ZNF513: variants seen among roughly 807,000 people sequenced by gnomAD.
ZNF513 encodes zinc finger protein 513.
ZNF513 carries 16 observed loss-of-function variants against 39.7 expected under a neutral mutation model. The ratio of observed to expected loss-of-function variants is 0.40; its 90% CI spans 0.27 to 0.61. The LOEUF is 0.61. Among genes scored for constraint, ZNF513 ranks in the 20% least tolerant of loss-of-function variants. ZNF513 has a pLI of 0.39. For synonymous variants in ZNF513, 348 were observed against 296.5 expected (o/e 1.17, Z -1.79); for missense variants, 699 against 743.6 (o/e 0.94, Z 0.70).
At chr2:27,379,341 T>G (rs1407173630) in intron 2 of ZNF513, among the ~76,000 whole-genome samples, 1 of 152,108 alleles carries the variant, frequency 6.6e-6, no homozygotes, top group East Asian at 1.9e-4. Flanking sequence ...CAGACTGAAA[T>G]GAATCCATAA....
In ZNF513 at chr2:27,380,619, G is replaced by GC; in HGVS notation, c.-94dup. The GC allele has an allele frequency of 2.0e-6, 3 of 1,497,390 alleles. No individual in the cohort carries two copies. The highest frequency in any genetic ancestry group is 2.7e-6 in the Non-Finnish European group (3 of 1,122,320). The allele number at this position is 1,497,390 out of a possible 1,614,324, so 92.8% of individuals were successfully genotyped here. A position where few individuals can be genotyped will look rare whatever the true frequency, so the allele number is the denominator to read the frequency against. ...CCGCCTGTCTGCCCTTCCTCTCAGGGCCCGCGGGCCGCCCCCATGCAGCGG... is the reference window on the plus strand; with the variant it reads ...CCGCCTGTCTGCCCTTCCTCTCAGGGCCCCGCGGGCCGCCCCCATGCAGCGG... On this transcript the variant is annotated 5_prime_UTR_variant, in exon 1 of 4. It removes the in-frame stop codon of an upstream open reading frame in the 5' UTR. Transcript: ENST00000323703.
rs1204176806 is a variant in ZNF513, at chr2:27,378,883, C to A, written c.383G>T (p.Gly128Val). ...PACQLCGGPTGEGPCCGAGGP... is the reference protein window; with the variant it reads ...PACQLCGGPTVEGPCCGAGGP... ...TCCTGCCCCACAACACGGCCCCTCA[C>A]CTGTCGGCCCCCCACACAGCTGGCA... The change falls in exon 3 of 4, where the codon GGT becomes GTT. Residue 128 changes from glycine (G) to valine (V), a missense_variant. By Grantham distance (109) the Gly-to-Val change is moderately radical. This residue lies in a region of ZNF513 where 530 missense variants were observed against 499.3 expected (regional missense o/e 1.06). Transcript: ENST00000323703. This position sits in a 1 kb window ranked among gnomAD's most constrained non-coding sequence, Gnocchi z 8.0. 2 of 1,603,046 alleles carry A rather than the reference C, an allele frequency of 1.2e-6. No homozygotes were observed. The highest frequency in any genetic ancestry group is 2.2e-5 in the South Asian group (2 of 90,128).
rs760150083 is a variant in ZNF513, at chr2:27,377,510, C to T, written c.*35G>A. ...GGGGGAGAAAAAGGTGGCTTCTGGT[C>T]CGTCTGTATAAAACATGGGGAAGAA... On this transcript the variant is annotated 3_prime_UTR_variant, in exon 4 of 4. Coordinates refer to ENST00000323703, the MANE Select transcript of ZNF513 (RefSeq NM_144631.6). This position sits in a 1 kb window ranked among gnomAD's most constrained non-coding sequence, Gnocchi z 4.4. The T allele has an allele frequency of 1.2e-6, 2 of 1,610,598 alleles. No individual in the cohort carries two copies. Among genetic ancestry groups the T allele is most frequent in the East Asian group, 4.5e-5 (2 of 44,862 alleles).
In ZNF513 at chr2:27,378,471, A is replaced by G. The variant is rs746588960; in HGVS notation, c.795T>C (p.Pro265=). 1.2e-6 allele frequency: 2 copies of G among 1,614,084 alleles called. No homozygotes were observed. The highest frequency in any genetic ancestry group is 2.2e-5 in the South Asian group (2 of 91,088). The change falls in exon 3 of 4, where the codon CCT becomes CCC. Residue 265 remains proline, a synonymous_variant. Coordinates refer to ENST00000323703, the MANE Select transcript of ZNF513 (RefSeq NM_144631.6). The surrounding 1 kb of genome is among the most constrained non-coding windows in gnomAD (Gnocchi z 8.0). ...TEQEGAVPRR[P]EDALLLPDLS... ...TTGGTCCCTGGTGTGTCTTACCTTC[A>G]GGTCGCCGGGGCACCGCCCCCTCCT...
Position 27,378,683 on chromosome 2 carries a change from G to A in ZNF513, c.583C>T (p.Arg195Ter). Reference protein sequence around the residue: ...YASAQLVNLTRHTRTHTGEKP... With the variant: ...YASAQLVNLT ...TCGCCAGTGTGGGTGCGGGTATGTCGTGTCAGGTTGACGAGCTGGGCTGAG... is the reference window on the plus strand; with the variant it reads ...TCGCCAGTGTGGGTGCGGGTATGTCATGTCAGGTTGACGAGCTGGGCTGAG... The change falls in exon 3 of 4, where the codon CGA becomes TGA. Residue 195 changes from arginine to a stop codon, truncating the protein, a stop_gained. Coordinates refer to ENST00000323703, the MANE Select transcript of ZNF513 (RefSeq NM_144631.6). LOFTEE classifies it high-confidence loss of function. This position sits in a 1 kb window ranked among gnomAD's most constrained non-coding sequence, Gnocchi z 8.0. 5 of 1,613,850 alleles carry A rather than the reference G, an allele frequency of 3.1e-6. No homozygotes were observed. Among genetic ancestry groups the A allele is most frequent in the Non-Finnish European group, 4.2e-6 (5 of 1,179,966 alleles).
At position 27,378,530 on chromosome 2, in the gene ZNF513, G is replaced by C. The variant is rs772637253; in HGVS notation, c.736C>G (p.Pro246Ala). The C allele has an allele frequency of 3.0e-5, 49 of 1,614,116 alleles. No homozygotes were observed. The South Asian group carries it at 5.3e-4, about 17-fold the overall frequency. The change falls in exon 3 of 4, where the codon CCA (proline) becomes GCA (alanine). Residue 246 changes from proline (P) to alanine (A), a missense_variant. Pro to Ala is a conservative substitution (Grantham distance 27, BLOSUM62 -1). Transcript: ENST00000323703. This position sits in a 1 kb window ranked among gnomAD's most constrained non-coding sequence, Gnocchi z 8.0. ...GGACTGGGAGGCCGGGCTGGTCGTG[G>C]AGTACAGCAGCGGAAGCCACAGGTC... ...CPTCGFRCCTPRPARPPSPTE... is the reference protein window; with the variant it reads ...CPTCGFRCCTARPARPPSPTE...
Position 27,378,819 on chromosome 2 carries a change from C to T in ZNF513, c.447G>A (p.Leu149=), listed in dbSNP as rs1267272267. ...GGGPLLPPRL[L]YSCRLCTFVS... is the part of the protein sequence containing the mutation. ...CGAAGGTGCAGAGGCGGCATGAGTA[C>T]AGTAGCCGTGGGGGCAGCAGGGGCC... is the stretch of plus-strand genomic sequence containing the variant. The change falls in exon 3 of 4, where the codon CTG becomes CTA. Residue 149 remains leucine (L), a synonymous_variant. Coordinates refer to ENST00000323703, the MANE Select transcript of ZNF513 (RefSeq NM_144631.6). The surrounding 1 kb of genome is among the most constrained non-coding windows in gnomAD (Gnocchi z 8.0). 1.2e-6 allele frequency: 2 copies of T among 1,612,644 alleles called. No individual in the cohort carries two copies. Among genetic ancestry groups the T allele is most frequent in the Non-Finnish European group, 1.7e-6 (2 of 1,179,446 alleles).
chr2:27,378,248 G>A lies in ZNF513; in HGVS notation c.923C>T (p.Pro308Leu). ...GCAGGTCCAAGGGAATAGCAGCTCT[G>A]GCAGTGGTTCTGATCCAGTCCCGCA... ...GLCGTGSEPL[P>L]ELLFPWTCRG... is the part of the protein sequence containing the mutation. The change falls in exon 4 of 4, where the codon CCA (proline) becomes CTA (leucine). Residue 308 changes from proline to leucine, a missense_variant. Pro to Leu is a moderately conservative substitution (Grantham distance 98). This residue lies in a region of ZNF513 where 530 missense variants were observed against 499.3 expected (regional missense o/e 1.06). Transcript: ENST00000323703. The surrounding 1 kb of genome is among the most constrained non-coding windows in gnomAD (Gnocchi z 8.0). 1 of 1,602,630 alleles carries A rather than the reference G, an allele frequency of 6.2e-7. No homozygotes were observed. The highest frequency in any genetic ancestry group is 8.5e-7 in the Non-Finnish European group (1 of 1,179,950).
At position 27,378,081 on chromosome 2, in the gene ZNF513, G is replaced by C; in HGVS notation, c.1090C>G (p.Leu364Val). Residue 364 changes from leucine (L) to valine (V), a missense_variant, in exon 4 of 4, where the codon CTC becomes GTC. Leu to Val is a conservative substitution (Grantham distance 32). This residue lies in a region of ZNF513 where 530 missense variants were observed against 499.3 expected (regional missense o/e 1.06). Transcript: ENST00000323703. The surrounding 1 kb of genome is among the most constrained non-coding windows in gnomAD (Gnocchi z 8.0). ...GGATAGTGAGTGGCAAAGGGGCAGA[G>C]GCTACAGGCAAAGCCTTTGTCACTG... ...GPSDKGFACSLCPFATHYPNH... is the reference protein window; with the variant it reads ...GPSDKGFACSVCPFATHYPNH... 1 of 1,612,650 alleles carries C rather than the reference G, an allele frequency of 6.2e-7. No individual in the cohort carries two copies. The highest frequency in any genetic ancestry group is 8.5e-7 in the Non-Finnish European group (1 of 1,179,092).
At position 27,378,900 on chromosome 2, in the gene ZNF513, C is replaced by G. The variant is rs1467012394; in HGVS notation, c.366G>C (p.Leu122=). The change falls in exon 3 of 4, where the codon CTG becomes CTC. Residue 122 remains leucine, a synonymous_variant. Transcript: ENST00000323703. The surrounding 1 kb of genome is among the most constrained non-coding windows in gnomAD (Gnocchi z 8.0). ...RGERPGPACQ[L]CGGPTGEGPC... ...GCCCCTCACCTGTCGGCCCCCCACACAGCTGGCAGGCTGGGCCTGGCCTCT... is the reference window on the plus strand; with the variant it reads ...GCCCCTCACCTGTCGGCCCCCCACAGAGCTGGCAGGCTGGGCCTGGCCTCT... 1.9e-6 allele frequency: 3 copies of G among 1,604,384 alleles called. No individual in the cohort carries two copies. Among genetic ancestry groups the G allele is most frequent in the Admixed American group, 1.7e-5 (1 of 58,580 alleles).
chr2:27,379,291 T>C (rs2148414234), intron 2 of ZNF513, among the ~76,000 whole-genome samples: 1 of 152,278 alleles, frequency 6.6e-6, no homozygotes, highest in East Asian at 1.9e-4. Flanking sequence ...TGTATCTAGT[T>C]TCCCTCAATG....
In ZNF513 at chr2:27,377,387, C is replaced by T. The variant is rs759039062; in HGVS notation, c.*158G>A. 3.0e-5 allele frequency: 24 copies of T among 807,012 alleles called. No individual in the cohort carries two copies. Among genetic ancestry groups the T allele is most frequent in the Non-Finnish European group, 4.8e-5 (23 of 480,502 alleles). The allele number at this position is 807,012 out of a possible 1,614,324, so 50.0% of individuals were successfully genotyped here. A position where few individuals can be genotyped will look rare whatever the true frequency, so the allele number is the denominator to read the frequency against. On this transcript the variant is annotated 3_prime_UTR_variant, in exon 4 of 4. Coordinates refer to ENST00000323703, the MANE Select transcript of ZNF513 (RefSeq NM_144631.6). This position sits in a 1 kb window ranked among gnomAD's most constrained non-coding sequence, Gnocchi z 4.4. ...CACTGAGCTCGTGAAGTGCCTCAGT[C>T]AAGGCAAGGTCCCCTGGTCCATATG... is the stretch of plus-strand genomic sequence containing the variant.
chr2:27,377,287 T>A lies in ZNF513; in HGVS notation c.*258A>T, dbSNP rs934596594. On this transcript the variant is annotated 3_prime_UTR_variant, in exon 4 of 4. Coordinates refer to ENST00000323703, the MANE Select transcript of ZNF513 (RefSeq NM_144631.6). The surrounding 1 kb of genome is among the most constrained non-coding windows in gnomAD (Gnocchi z 4.4). ...CACTGAAATAAGTTAAATAAACAGG[T>A]GGGAGGCTGGGCAGTCCCCCAGCCG... 4.8e-6 allele frequency: 3 copies of A among 628,678 alleles called. No homozygotes were observed. Among genetic ancestry groups the A allele is most frequent in the Non-Finnish European group, 8.6e-6 (3 of 350,378 alleles). The allele number at this position is 628,678 out of a possible 1,614,324, so 38.9% of individuals were successfully genotyped here.
In ZNF513 at chr2:27,378,852, C is replaced by T. The variant is rs1397076197; in HGVS notation, c.414G>A (p.Pro138=). 2.0e-5 allele frequency: 32 copies of T among 1,605,268 alleles called. No individual in the cohort carries two copies. The highest frequency in any genetic ancestry group is 5.4e-5 in the African/African-American group (4 of 74,736). ...GEGPCCGAGG[P]GGGPLLPPRL... ...GTGGGGGCAGCAGGGGCCCCCCACC[C>T]GGCCCTCCTGCCCCACAACACGGCC... Residue 138 remains proline (P), a synonymous_variant, in exon 3 of 4, where the codon CCG becomes CCA. Transcript: ENST00000323703. This position sits in a 1 kb window ranked among gnomAD's most constrained non-coding sequence, Gnocchi z 8.0.
chr2:27,378,302 C>T lies in ZNF513; in HGVS notation c.869G>A (p.Gly290Glu), dbSNP rs1397128481. 6.2e-7 allele frequency: 1 copy of T among 1,600,976 alleles called. No homozygotes were observed. ...GCCCTCCCCTTCACCCCGCAGCTGC[C>T]CACAGTCTGGCAGGAAACTGGCACC... ...PGGASFLPDC[G>E]QLRGEGEGLC... The change falls in exon 4 of 4, where the codon GGG (glycine) becomes GAG (glutamate). Residue 290 changes from glycine (G) to glutamate (E), a missense_variant. Around this residue, in one of 3 missense-constraint regions of ZNF513, gnomAD observed 530 missense variants for 499.3 expected, o/e 1.06. Transcript: ENST00000323703. This position sits in a 1 kb window ranked among gnomAD's most constrained non-coding sequence, Gnocchi z 8.0.
rs758610233 is a variant in ZNF513, at chr2:27,379,039, G to A, written c.227C>T (p.Ala76Val). The change falls in exon 3 of 4, where the codon GCC (alanine) becomes GTC (valine). Residue 76 changes from alanine to valine, a missense_variant. Physicochemically the swap from Ala to Val is moderately conservative, Grantham distance 64. Around this residue, in one of 3 missense-constraint regions of ZNF513, gnomAD observed 530 missense variants for 499.3 expected, o/e 1.06. Coordinates refer to ENST00000323703, the MANE Select transcript of ZNF513 (RefSeq NM_144631.6). ...CAGCCCATAGGGAAGCCCAGGCCTG[G>A]CCCCCAGAGAGTCTCCTGGTGAAAT... The part of the protein sequence containing the change: ...ERDSEGDSLG[A>V]RPGLPYGLSD... 6.2e-7 allele frequency: 1 copy of A among 1,612,850 alleles called. No individual in the cohort carries two copies. The highest frequency in any genetic ancestry group is 1.1e-5 in the South Asian group (1 of 91,070).
intron 2 of ZNF513, among the ~76,000 whole-genome samples, chr2:27,379,530 C>T (rs1479483785): frequency 6.6e-6 from 1 of 152,184 alleles, no homozygotes; most frequent in Non-Finnish European, 1.5e-5. Flanking sequence ...TGTAATACCA[C>T]TTGCCTGCCT....
At position 27,378,747 on chromosome 2, in the gene ZNF513, G is replaced by A. The variant is rs199520071; in HGVS notation, c.519C>T (p.Ser173=). Residue 173 remains serine (S), a synonymous_variant, in exon 3 of 4, where the codon AGC becomes AGT. Transcript: ENST00000323703. This position sits in a 1 kb window ranked among gnomAD's most constrained non-coding sequence, Gnocchi z 8.0. The part of the protein sequence containing the change: ...SHLKRHMQTH[S]GEKPFRCGRC... ...GGCCACAGCGGAACGGCTTCTCTCC[G>A]CTGTGTGTCTGCATGTGCCGCTTCA... 508 of 1,613,986 alleles carry A rather than the reference G, an allele frequency of 3.1e-4. 2 individuals are homozygous for A. Among genetic ancestry groups the A allele is most frequent in the Admixed American group, 1.3e-4 (8 of 60,024 alleles).
chr2:27,378,971 T>A lies in ZNF513; in HGVS notation c.295A>T (p.Ser99Cys), dbSNP rs1356411120. The change falls in exon 3 of 4, where the codon AGT becomes TGT. Residue 99 changes from serine to cysteine, a missense_variant. Around this residue, in one of 3 missense-constraint regions of ZNF513, gnomAD observed 530 missense variants for 499.3 expected, o/e 1.06. Coordinates refer to ENST00000323703, the MANE Select transcript of ZNF513 (RefSeq NM_144631.6). This position sits in a 1 kb window ranked among gnomAD's most constrained non-coding sequence, Gnocchi z 8.0. The part of the protein sequence containing the change: ...SGGGRALSAE[S>C]EVEEPARGPG... ...CCCCTGGCTGGCTCCTCAACTTCAC[T>A]CTCCGCACTTAGTGCCCGGCCGCCC... 1.2e-6 allele frequency: 2 copies of A among 1,612,426 alleles called. No individual in the cohort carries two copies. The highest frequency in any genetic ancestry group is 1.7e-5 in the Admixed American group (1 of 59,944).
Sources: allele counts gnomAD v4.1 joint callset (sites outside exome capture counted in the v4.1 genomes callset), GRCh38; gene constraint gnomAD v4.1.1; regional missense constraint gnomAD v4.1.1; non-coding constraint Gnocchi (gnomAD v3.1); transcripts MANE v1.5; gene names NCBI Gene and HGNC (gene_info 2026-07-23, HGNC 2026-07-21).